KLC3: variants seen among roughly 807,000 people sequenced by gnomAD.
KLC3 encodes kinesin light chain 2.
KLC3 carries 72 observed loss-of-function variants against 62.9 expected under a neutral mutation model. The ratio of observed to expected loss-of-function variants is 1.15; its 90% confidence interval spans 0.95 to 1.39. KLC3 has a LOEUF of 1.39. Ranked by LOEUF, KLC3 falls within the 40% of genes most tolerant of loss-of-function variation. The pLI, the probability that KLC3 is intolerant of heterozygous loss-of-function variation, is 0.00. For synonymous variants in KLC3, 377 were observed against 300.5 expected (o/e 1.25, Z -2.63); for missense variants, 848 against 691.6 (o/e 1.23, Z -2.54).
At position 45,348,811 on chromosome 19, in the gene KLC3, A is replaced by G; in HGVS notation, c.868-9A>G. The stretch of plus-strand genomic sequence containing the variant: ...CCATCCCTGACCTGTGCCTCCCCCA[A>G]CCCCGCAGGTGGCCGCCACGCTCAA... On this transcript the variant is annotated splice_polypyrimidine_tract_variant and intron_variant, in intron 6 of 12. Coordinates refer to ENST00000391946, the MANE Select transcript of KLC3 (RefSeq NM_177417.3). 6.4e-7 allele frequency: 1 copy of G among 1,563,004 alleles called. No individual in the cohort carries two copies. Among genetic ancestry groups the G allele is most frequent in the Non-Finnish European group, 8.7e-7 (1 of 1,153,590 alleles).
rs866008858 is a variant in KLC3, at chr19:45,346,914, A to C, written c.489+140A>C. The C allele has an allele frequency of 1.3e-5, 10 of 745,612 alleles. No homozygotes were observed. The South Asian group carries it at 1.9e-4, about 14-fold the overall frequency. The allele number at this position is 745,612 out of a possible 1,614,324, so 46.2% of individuals were successfully genotyped here. A position where few individuals can be genotyped will look rare whatever the true frequency, so the allele number is the denominator to read the frequency against. ...CCCCAGACCCTCCTTAGAATGCCAC[A>C]GTCCCCCAACCCTCCACAGAGCCCC... On this transcript the variant is annotated intron_variant, in intron 3 of 12. Transcript: ENST00000391946.
In KLC3 at chr19:45,345,639, G is replaced by T; in HGVS notation, c.98G>T (p.Gly33Val). The change falls in exon 2 of 13, where the codon GGG becomes GTG. Residue 33 changes from glycine to valine, a missense_variant. Coordinates refer to ENST00000391946, the MANE Select transcript of KLC3 (RefSeq NM_177417.3). ...LVRQTRQVVQ[G>V]LEALRAEHHG... ...CGGCAGACGCGGCAAGTGGTCCAGGGGCTGGAGGCGCTGCGGGCAGAGCAC... is the reference window on the plus strand; with the variant it reads ...CGGCAGACGCGGCAAGTGGTCCAGGTGCTGGAGGCGCTGCGGGCAGAGCAC... 1 of 1,584,736 alleles carries T rather than the reference G, an allele frequency of 6.3e-7. No homozygotes were observed.
chr19:45,349,019 C>T, intron 7 of KLC3, 98 bp downstream of exon 7: 1 of 1,111,598 alleles, frequency 9.0e-7, no homozygotes, highest in East Asian at 2.6e-5. Context: ...CCCTCGGGCC[C>T]CTTGCGTTTG....
chr19:45,345,171 G>A, intron 1 of KLC3: 1 of 436,686 alleles, frequency 2.3e-6, no homozygotes, highest in Non-Finnish European at 4.1e-6. Context: ...GGGATCCAAG[G>A]GCCTTGGGGT....
In KLC3 at chr19:45,350,691, A is replaced by T. The variant is rs780520784; in HGVS notation, c.1323A>T (p.Arg441=). 1.2e-5 allele frequency: 19 copies of T among 1,613,604 alleles called. No homozygotes were observed. The Admixed American group carries it at 2.2e-4, about 18-fold the overall frequency. Residue 441 remains arginine, a synonymous_variant, in exon 11 of 13, where the codon CGA becomes CGT. Transcript: ENST00000391946. ...CCAAGATCCGTGAGTCTATCAGGCG[A>T]GGAAGTGAGAAGCTGGTCTCCCGGC... ...SLSKIRESIR[R]GSEKLVSRLR... is the part of the protein sequence containing the mutation.
At chr19:45,346,216 A>G (rs1323745949) in intron 2 of KLC3, among the ~76,000 whole-genome samples, 1 of 151,952 alleles carries the variant, frequency 6.6e-6, no homozygotes, top group Non-Finnish European at 1.5e-5. Flanking sequence ...GGGGAGGCCT[A>G]GGGGAACCAG....
intron 12 of KLC3, 27 bp downstream of exon 12, chr19:45,351,044 AGAG>A (rs1396279534): frequency 1.2e-6 from 2 of 1,613,982 alleles, no homozygotes; most frequent in Non-Finnish European, 1.7e-6. Context: ...GGTCAAAAAT[AGAG>A]GAGGCCATGT....
Position 45,351,417 on chromosome 19 carries a change from TG to T in KLC3, c.*64del. On this transcript the variant is annotated 3_prime_UTR_variant, in exon 13 of 13. Coordinates refer to ENST00000391946, the MANE Select transcript of KLC3 (RefSeq NM_177417.3). ...GAACAGTGCAGGAGGGATGGGCTGG[TG>T]GGGTGAGAGGGGGTCTATCATCTCC... 1.9e-6 allele frequency: 3 copies of T among 1,596,398 alleles called. No homozygotes were observed. Among genetic ancestry groups the T allele is most frequent in the Non-Finnish European group, 2.6e-6 (3 of 1,174,702 alleles).
At chr19:45,351,066 G>A (rs572135570) in intron 12 of KLC3, 49 bp downstream of exon 12, 23 of 1,613,722 alleles carry the variant, frequency 1.4e-5, no homozygotes, top group Middle Eastern at 3.3e-4. Context: ...GTGGGTAGGT[G>A]CAGAGATGAG....
rs1416204786 is a variant in KLC3 at position 45,345,614 on chromosome 19, C to T, written c.73C>T (p.Arg25Trp). The change falls in exon 2 of 13, where the codon CGG (arginine) becomes TGG (tryptophan). Residue 25 changes from arginine to tryptophan, a missense_variant. Arg to Trp is a moderately radical substitution (Grantham distance 101). Coordinates refer to ENST00000391946, the MANE Select transcript of KLC3 (RefSeq NM_177417.3). ...PERLSPEELV[R>W]QTRQVVQGLE... is the part of the protein sequence containing the mutation. The stretch of plus-strand genomic sequence containing the variant: ...GCGCCTGAGCCCTGAGGAGCTGGTG[C>T]GGCAGACGCGGCAAGTGGTCCAGGG... The T allele has an allele frequency of 4.4e-6, 7 of 1,579,438 alleles. No homozygotes were observed. The highest frequency in any genetic ancestry group is 4.0e-5 in the African/African-American group (3 of 74,402).
chr19:45,351,043 TAG>T, intron 12 of KLC3, 26 bp downstream of exon 12: 1 of 1,613,678 alleles, frequency 6.2e-7, no homozygotes, highest in South Asian at 1.1e-5. Context: ...GGGTCAAAAA[TAG>T]AGGAGGCCAT....
At chr19:45,347,829 A>G (rs1971540665) in intron 4 of KLC3, 112 bp from the exon 5 acceptor site, 1 of 872,776 alleles carries the variant, frequency 1.1e-6, no homozygotes, top group African/African-American at 1.7e-5. Flanking sequence ...GGGGGCCCAT[A>G]GTCCCAGGGG....
chr19:45,342,250 TTGTG>T (rs893136404), intron 1 of KLC3, among the ~76,000 whole-genome samples: 4 of 151,918 alleles, frequency 2.6e-5, no homozygotes, highest in African/African-American at 9.7e-5. Context: ...TTTATGATGT[TTGTG>T]TGTGAGGTGT....
Position 45,351,364 on chromosome 19 carries a change from G to C in KLC3, c.*7G>C, listed in dbSNP as rs771627144. 2 of 1,610,002 alleles carry C rather than the reference G, an allele frequency of 1.2e-6. No individual in the cohort carries two copies. The highest frequency in any genetic ancestry group is 1.7e-6 in the Non-Finnish European group (2 of 1,179,986). On this transcript the variant is annotated 3_prime_UTR_variant, in exon 13 of 13. Transcript: ENST00000391946. Reference sequence around the variant, plus strand: ...GGACCTGAGCCCCCACTAACGTCCAGTGAACTGCGCTGGCCGCAGCTTCTT... The same window carrying C: ...GGACCTGAGCCCCCACTAACGTCCACTGAACTGCGCTGGCCGCAGCTTCTT...
chr19:45,349,325 G>A lies in KLC3; in HGVS notation c.970-104G>A, dbSNP rs1363150633. The A allele has an allele frequency of 6.6e-6, 8 of 1,211,868 alleles. No individual in the cohort carries two copies. In the East Asian group the frequency reaches 1.7e-4, roughly 25 times the overall value. 75.1% of individuals were successfully genotyped at this position (1,211,868 alleles called of 1,614,324 possible). ...CCCCCAACCTCTCAGGTCACTCTCT[G>A]CTTTGACCCTGTAATCCCCAACTCA... On this transcript the variant is annotated intron_variant, in intron 7 of 12. Transcript: ENST00000391946.
rs755958597 is a variant in KLC3 at position 45,350,679 on chromosome 19, G to GTCTATCAGGC, written c.1312_1321dup (p.Arg441LeufsTer7). ...GCAGCTCACTCTCCAAGATCCGTGA[G>GTCTATCAGGC]TCTATCAGGCGAGGAAGTGAGAAGC... On this transcript the variant is annotated frameshift_variant, in exon 11 of 13. Transcript: ENST00000391946. LOFTEE classifies it high-confidence loss of function. The GTCTATCAGGC allele has an allele frequency of 1.1e-5, 18 of 1,613,898 alleles. No individual in the cohort carries two copies. In the Middle Eastern group the frequency reaches 2.1e-3, roughly 192 times the overall value.
chr19:45,342,971 T>G (rs889952966), intron 1 of KLC3, among the ~76,000 whole-genome samples: 2 of 152,152 alleles, frequency 1.3e-5, no homozygotes, highest in African/African-American at 4.8e-5. Flanking sequence ...TTGAGTGAAG[T>G]GTGCGAGAAC....
At chr19:45,348,567 C>T in intron 5 of KLC3, 79 bp from the exon 6 acceptor site, 1 of 1,394,748 alleles carries the variant, frequency 7.2e-7, no homozygotes, top group East Asian at 2.5e-5. Context: ...CTGGGCCTGT[C>T]AGGATTGGCC....
At position 45,348,153 on chromosome 19, in the gene KLC3, G is replaced by A. The variant is rs1568524048; in HGVS notation, c.772G>A (p.Val258Met). The A allele has an allele frequency of 1.3e-6, 2 of 1,587,140 alleles. No homozygotes were observed. The highest frequency in any genetic ancestry group is 2.3e-5 in the East Asian group (1 of 43,716). ...VATMLNILALVYRDQNKYKEA... is the reference protein window; with the variant it reads ...VATMLNILALMYRDQNKYKEA... ...CACCATGCTCAACATCCTGGCGCTGGTGTACCGGTGAGCACTGCGGCCAGC... is the reference window on the plus strand; with the variant it reads ...CACCATGCTCAACATCCTGGCGCTGATGTACCGGTGAGCACTGCGGCCAGC... Residue 258 changes from valine (V) to methionine (M), a missense_variant, in exon 5 of 13, where the codon GTG (valine) becomes ATG (methionine). Coordinates refer to ENST00000391946, the MANE Select transcript of KLC3 (RefSeq NM_177417.3).
Sources: allele counts gnomAD v4.1 joint callset (sites outside exome capture counted in the v4.1 genomes callset), GRCh38; gene constraint gnomAD v4.1.1; transcripts MANE v1.5; gene names NCBI Gene and HGNC (gene_info 2026-07-23, HGNC 2026-07-21).